LRRC74A: variants seen among roughly 807,000 people sequenced by gnomAD.
The protein encoded by LRRC74A is leucine rich repeat containing 74A, also known as leucine-rich repeat-containing protein 74A.
LRRC74A carries 44 observed loss-of-function variants against 57.9 expected under a neutral mutation model. The ratio of observed to expected loss-of-function variants is 0.76; its 90% CI spans 0.60 to 0.98. The LOEUF is 0.98. Ranked by LOEUF, LRRC74A falls within the 50% of genes least tolerant of loss-of-function variation. The pLI is 0.00. For missense variants in LRRC74A, 572 were observed against 574.0 expected, an observed-to-expected ratio of 1.00 and a Z score of 0.04; for synonymous variants, 211 against 219.4, an observed-to-expected ratio of 0.96 and a Z score of 0.34.
intron 1 of LRRC74A, among the ~76,000 whole-genome samples, chr14:76,827,973 A>G (rs945826325): frequency 2.6e-5 from 4 of 152,164 alleles, no homozygotes; most frequent in African/African-American, 9.7e-5. Context: ...AAACCCACCC[A>G]AACACTTAAG....
intron 9 of LRRC74A, among the ~76,000 whole-genome samples, chr14:76,855,457 A>G (rs1488213445): frequency 1.3e-5 from 2 of 152,250 alleles, no homozygotes; most frequent in Non-Finnish European, 2.9e-5. Context: ...TTTTTCCACA[A>G]TGACCATATG....
intron 4 of LRRC74A, 85 bp downstream of exon 4, chr14:76,836,399 C>T: frequency 3.1e-6 from 3 of 983,532 alleles, no homozygotes; most frequent in Non-Finnish European, 4.6e-6. Flanking sequence ...CCTGCCAGGA[C>T]CCAGGCTGCC....
intron 2 of LRRC74A, among the ~76,000 whole-genome samples, chr14:76,830,902 G>A (rs563842829): frequency 1.7e-4 from 26 of 152,338 alleles, no homozygotes; most frequent in Admixed American, 1.4e-3. Flanking sequence ...CACTGGATGT[G>A]GCCAACCTGG....
chr14:76,850,665 G>A (rs1484085915), intron 7 of LRRC74A, among the ~76,000 whole-genome samples: 4 of 151,842 alleles, frequency 2.6e-5, no homozygotes, highest in Non-Finnish European at 5.9e-5. Flanking sequence ...TCAGGAGTTC[G>A]AGACCAGCCT....
Position 76,826,433 on chromosome 14 carries a change from C to G in LRRC74A, c.-265C>G, listed in dbSNP as rs950532069. The G allele has an allele frequency of 2.4e-5, 31 of 1,274,792 alleles. No individual in the cohort carries two copies. The African/African-American group carries it at 4.2e-4, about 17-fold the overall frequency. The allele number at this position is 1,274,792 out of a possible 1,614,324, so 79.0% of individuals were successfully genotyped here. On this transcript the variant is annotated 5_prime_UTR_variant, in exon 1 of 14. Transcript: ENST00000689127. ...ACAGGGCTCCCAGCAATAGAGCAGT[C>G]CCACTCTCCCAGATGAGCTGGAGAA...
At chr14:76,864,414 G>C (rs1397208506) in intron 11 of LRRC74A, among the ~76,000 whole-genome samples, 16 of 46,528 alleles carry the variant, frequency 3.4e-4, no homozygotes, top group Admixed American at 7.7e-4. Context: ...AGAGGAAGGG[G>C]GGGGGGGGGT....
chr14:76,856,504 C>CTGGATGGATGGATGGA (rs35536797), intron 9 of LRRC74A, among the ~76,000 whole-genome samples: 1 of 145,554 alleles, frequency 6.9e-6, no homozygotes, highest in Non-Finnish European at 1.5e-5. Context: ...TTAATATGTG[C>CTGGATGGATGGATGGA]TGGATGGATG....
intron 2 of LRRC74A, chr14:76,828,928 TG>T: frequency 1.3e-6 from 1 of 778,068 alleles, no homozygotes; most frequent in Non-Finnish European, 1.6e-6. Flanking sequence ...AGTGTTTCTG[TG>T]GCCTATCTTG....
chr14:76,843,019 C>A (rs914381280), intron 5 of LRRC74A, among the ~76,000 whole-genome samples: 2 of 152,088 alleles, frequency 1.3e-5, no homozygotes, highest in African/African-American at 2.4e-5. Context: ...TATAAAGACA[C>A]CAGGTGCGAA....
At chr14:76,844,586 G>A (rs777967817) in intron 6 of LRRC74A, 114 bp downstream of exon 6, 2 of 1,145,170 alleles carry the variant, frequency 1.7e-6, no homozygotes, top group Non-Finnish European at 2.5e-6. Flanking sequence ...GTTAGGGACT[G>A]GGGAGTGTTT....
chr14:76,834,607 G>C (rs573037449), intron 3 of LRRC74A, among the ~76,000 whole-genome samples: 2 of 152,318 alleles, frequency 1.3e-5, no homozygotes, highest in Middle Eastern at 6.8e-3. Flanking sequence ...AGCAGGTGGT[G>C]TGAGAATGGG....
rs764958271 is a variant in LRRC74A, at chr14:76,860,786, C to T, written c.1147C>T (p.Leu383Phe). The change falls in exon 11 of 14, where the codon CTC becomes TTC. Residue 383 changes from leucine (L) to phenylalanine (F), a missense_variant. Physicochemically the swap from Leu to Phe is conservative, Grantham distance 22 (BLOSUM62 0). Coordinates refer to ENST00000689127, the MANE Select transcript of LRRC74A (RefSeq NM_001385106.1). Reference protein sequence around the residue: ...LDVVFKAVQGLSPKKTIFLLT... With the variant: ...LDVVFKAVQGFSPKKTIFLLT... ...CGTGGTATTCAAGGCAGTACAAGGCCTCTCTCCCAAGAAAACCATCTTCTT... is the reference window on the plus strand; with the variant it reads ...CGTGGTATTCAAGGCAGTACAAGGCTTCTCTCCCAAGAAAACCATCTTCTT... The T allele has an allele frequency of 6.2e-7, 1 of 1,610,860 alleles. No homozygotes were observed. Among genetic ancestry groups the T allele is most frequent in the Non-Finnish European group, 8.5e-7 (1 of 1,177,842 alleles).
At chr14:76,868,257 G>A (rs1232218027) in intron 13 of LRRC74A, among the ~76,000 whole-genome samples, 2 of 152,160 alleles carry the variant, frequency 1.3e-5, no homozygotes, top group East Asian at 1.9e-4. Flanking sequence ...GAGCCCAGGA[G>A]GTCGAGACAA....
At chr14:76,853,877 G>A (rs927757618) in intron 9 of LRRC74A, among the ~76,000 whole-genome samples, 7 of 151,932 alleles carry the variant, frequency 4.6e-5, no homozygotes, top group African/African-American at 7.3e-5. Flanking sequence ...CTCGGCCTCC[G>A]AAAGTGCTGG....
intron 4 of LRRC74A, among the ~76,000 whole-genome samples, chr14:76,836,770 G>A (rs1248049532): frequency 5.4e-5 from 7 of 128,682 alleles, no homozygotes; most frequent in African/African-American, 9.0e-5. Flanking sequence ...CAGCCTGGGC[G>A]ACAAGAATGA....
chr14:76,855,863 C>T (rs1417242779), intron 9 of LRRC74A, among the ~76,000 whole-genome samples: 1 of 152,216 alleles, frequency 6.6e-6, no homozygotes, highest in African/African-American at 2.4e-5. Context: ...GCATACCAGG[C>T]ACTTGTTTTA....
intron 7 of LRRC74A, among the ~76,000 whole-genome samples, chr14:76,851,187 G>A (rs1467879567): frequency 1.3e-5 from 2 of 152,204 alleles, no homozygotes; most frequent in East Asian, 3.8e-4. Context: ...CTCTGCTGGA[G>A]AGAAATTCTG....
intron 11 of LRRC74A, among the ~76,000 whole-genome samples, chr14:76,861,722 C>T (rs954703877): frequency 7.2e-5 from 11 of 152,230 alleles, no homozygotes; most frequent in Admixed American, 6.5e-4. Flanking sequence ...CAGAACAGTG[C>T]TCAGACCCTG....
intron 2 of LRRC74A, among the ~76,000 whole-genome samples, chr14:76,830,405 G>A (rs958363336): frequency 1.3e-5 from 2 of 152,236 alleles, no homozygotes; most frequent in Admixed American, 6.5e-5. Context: ...CAGTGACCAT[G>A]GGCCAGGCTG....
Sources: gnomAD v4.1 joint callset for allele counts (sites outside exome capture counted in the v4.1 genomes callset) on GRCh38, gnomAD v4.1.1 for gene constraint, MANE v1.5 for transcripts, NCBI Gene and HGNC (gene_info 2026-07-23, HGNC 2026-07-21) for gene names.